Variants in HOMER2 observed in about 807,000 individuals in gnomAD.
HOMER2 encodes the protein homer protein homolog 2.
Under a neutral mutation model 47.0 loss-of-function variants are expected in HOMER2, and 27 were observed. The ratio of observed to expected loss-of-function variants is 0.57; its 90% confidence interval spans 0.42 to 0.79. The LOEUF (loss-of-function observed/expected upper bound fraction) is 0.79, where lower values mean the gene tolerates loss of function less well. Among genes scored for constraint, HOMER2 ranks in the 30% least tolerant of loss-of-function variants. HOMER2 has a pLI of 0.00. For synonymous variants in HOMER2, 161 were observed against 163.8 expected (o/e 0.98, Z 0.13); for missense variants, 443 against 435.0 (o/e 1.02, Z -0.16).
intron 2 of HOMER2, among the ~76,000 whole-genome samples, chr15:82,879,023 A>G (rs2052439759): frequency 6.6e-6 from 1 of 152,202 alleles, no homozygotes; most frequent in South Asian, 2.1e-4. Context: ...TTTCCAGGTC[A>G]CTAATCCTGG....
At chr15:82,858,088 T>C (rs1335471180) in intron 5 of HOMER2, among the ~76,000 whole-genome samples, 2 of 152,232 alleles carry the variant, frequency 1.3e-5, no homozygotes, top group African/African-American at 4.8e-5. Context: ...CTTGAAATCA[T>C]TTTAAAGTTT....
At chr15:82,972,903 G>T (rs750601787) in intron 1 of HOMER2, among the ~76,000 whole-genome samples, 3 of 152,194 alleles carry the variant, frequency 2.0e-5, no homozygotes, top group Non-Finnish European at 4.4e-5. Flanking sequence ...TTTGGATCTG[G>T]TGGACATCTT....
intron 3 of HOMER2, among the ~76,000 whole-genome samples, chr15:82,869,109 C>A (rs2052093035): frequency 6.6e-6 from 1 of 152,218 alleles, no homozygotes; most frequent in African/African-American, 2.4e-5. Flanking sequence ...ACACTGCCTA[C>A]AGGGTATCCC....
intron 4 of HOMER2, among the ~76,000 whole-genome samples, chr15:82,863,416 T>C (rs2051858401): frequency 6.6e-6 from 1 of 152,194 alleles, no homozygotes; most frequent in Non-Finnish European, 1.5e-5. Flanking sequence ...TGAAGAATTC[T>C]AGGTCTTCAC....
intron 1 of HOMER2, 62 bp downstream of exon 1, chr15:82,952,469 G>A (rs148675911): frequency 1.1e-5 from 12 of 1,118,682 alleles, no homozygotes; most frequent in African/African-American, 3.3e-5. Flanking sequence ...GGTTACGCCA[G>A]CCGCGGCCCC....
chr15:82,875,569 A>G (rs2151070803), intron 2 of HOMER2, among the ~76,000 whole-genome samples, 165 bp from the exon 3 acceptor site: 1 of 152,358 alleles, frequency 6.6e-6, no homozygotes, highest in Non-Finnish European at 1.5e-5. Flanking sequence ...AGTCAGATGA[A>G]CAACCCATGC....
At chr15:82,874,883 C>T (rs1205009131) in intron 3 of HOMER2, among the ~76,000 whole-genome samples, 1 of 152,174 alleles carries the variant, frequency 6.6e-6, no homozygotes, top group Non-Finnish European at 1.5e-5. Context: ...ATAACTGTGC[C>T]CTCACACAGG....
At chr15:82,955,573 AT>A (rs1028346243), upstream of HOMER2, among the ~76,000 whole-genome samples, 3 of 151,128 alleles carry the variant, frequency 2.0e-5, no homozygotes, top group Admixed American at 6.6e-5. Flanking sequence ...GACTTCAAAC[AT>A]TTTTTTTTCT....
At position 82,913,005 on chromosome 15, in the gene HOMER2, C is replaced by G. The variant is rs2053490279; in HGVS notation, c.6-20164G>C. On this transcript the variant is annotated intron_variant, in intron 1 of 8. Transcript: ENST00000450735. This position sits in a 1 kb window ranked among gnomAD's most constrained non-coding sequence, Gnocchi z 4.1. ...ATTAACAGGAAAATTTTAAATAATG[C>G]TCTTAGAAATACTGAAAACACAGAA... is the stretch of plus-strand genomic sequence containing the variant. 6.6e-6 allele frequency among the ~76,000 whole-genome samples: 1 copy of G among 152,154 alleles called. No homozygotes were observed. The highest frequency in any genetic ancestry group is 2.4e-5 in the African/African-American group (1 of 41,448).
intron 4 of HOMER2, among the ~76,000 whole-genome samples, chr15:82,863,284 C>T (rs926028886): frequency 1.1e-4 from 16 of 152,204 alleles, no homozygotes; most frequent in African/African-American, 3.9e-4. Flanking sequence ...GCCTTACCAT[C>T]TGCAAGCAAG....
chr15:82,907,698 T>G (rs1457816889), intron 1 of HOMER2, among the ~76,000 whole-genome samples: 1 of 152,142 alleles, frequency 6.6e-6, no homozygotes, highest in Non-Finnish European at 1.5e-5. Context: ...CAAAGTGACA[T>G]GGAACATTCA....
Position 82,849,769 on chromosome 15 carries a change from A to C in HOMER2, c.978T>G (p.Ile326Met). The change falls in exon 9 of 9, where the codon ATT becomes ATG. Residue 326 changes from isoleucine (I) to methionine (M), a missense_variant. Physicochemically the swap from Ile to Met is conservative, Grantham distance 10 (BLOSUM62 1). Transcript: ENST00000450735. ...KSFLEVLDGKIDDLHDFRRGL... is the reference protein window; with the variant it reads ...KSFLEVLDGKMDDLHDFRRGL... ...CTCGGCGGAAGTCATGCAGGTCGTC[A>C]ATCTTCCCGTCCAGCACCTCCAGGA... 6.2e-7 allele frequency: 1 copy of C among 1,613,892 alleles called. No homozygotes were observed. The highest frequency in any genetic ancestry group is 8.5e-7 in the Non-Finnish European group (1 of 1,179,840).
At chr15:82,851,878 G>A (rs548438594) in intron 7 of HOMER2, among the ~76,000 whole-genome samples, 4 of 152,322 alleles carry the variant, frequency 2.6e-5, no homozygotes, top group South Asian at 4.1e-4. Flanking sequence ...GATGACAAAC[G>A]CATCTGAGTG....
chr15:82,972,594 C>A (rs1411386576), intron 1 of HOMER2, among the ~76,000 whole-genome samples: 4 of 152,060 alleles, frequency 2.6e-5, no homozygotes, highest in Non-Finnish European at 5.9e-5. Context: ...AGGTGATCTG[C>A]CCACCTGGGC....
At chr15:82,866,207 C>T (rs1207284794) in intron 3 of HOMER2, among the ~76,000 whole-genome samples, 1 of 152,134 alleles carries the variant, frequency 6.6e-6, no homozygotes, top group African/African-American at 2.4e-5. Context: ...ATCAGTGTGA[C>T]CTGGATGTGA....
At chr15:82,952,179 A>C in intron 1 of HOMER2, 1 of 410,506 alleles carries the variant, frequency 2.4e-6, no homozygotes, top group Non-Finnish European at 3.3e-6. Context: ...TTAGACTCAC[A>C]CAGGCCCTGG....
rs367640609 is a variant in HOMER2 at position 82,859,025 on chromosome 15, T to C, written c.494+4A>G. Reference sequence around the variant, plus strand: ...ATAGAATCTGGACTTTAAAACAGCCTTACCTCTGCGTCAAGGCAATCTTCA... The same window carrying C: ...ATAGAATCTGGACTTTAAAACAGCCCTACCTCTGCGTCAAGGCAATCTTCA... On this transcript the variant is annotated splice_donor_region_variant and intron_variant, in intron 5 of 8. Coordinates refer to ENST00000450735, the MANE Select transcript of HOMER2 (RefSeq NM_004839.4). 14 of 1,613,310 alleles carry C rather than the reference T, an allele frequency of 8.7e-6. No individual in the cohort carries two copies. The African/African-American group carries it at 1.9e-4, about 22-fold the overall frequency.
intron 1 of HOMER2, among the ~76,000 whole-genome samples, chr15:82,939,292 C>G (rs2054209270): frequency 6.6e-6 from 1 of 152,216 alleles, no homozygotes. Flanking sequence ...CTTGCATTCT[C>G]TCATCCTAAC....
At chr15:82,905,798 C>T (rs1388324083) in intron 1 of HOMER2, among the ~76,000 whole-genome samples, 1 of 151,992 alleles carries the variant, frequency 6.6e-6, no homozygotes, top group Non-Finnish European at 1.5e-5. Flanking sequence ...AATAGACCTG[C>T]CTTACAAGAA....
Sources: gnomAD v4.1 joint callset for allele counts (sites outside exome capture counted in the v4.1 genomes callset) on GRCh38, gnomAD v4.1.1 for gene constraint, Gnocchi (gnomAD v3.1) non-coding constraint, MANE v1.5 for transcripts, NCBI Gene and HGNC (gene_info 2026-07-23, HGNC 2026-07-21) for gene names.